Variants in DGKI observed in about 807,000 individuals in gnomAD.
DGKI encodes the protein DAG kinase iota.
Under a neutral mutation model 147.5 loss-of-function variants are expected in DGKI, and 55 were observed. That is an observed-to-expected ratio of 0.37 (90% CI 0.30 to 0.47). The LOEUF (loss-of-function observed/expected upper bound fraction) is 0.47. Among genes scored for constraint, DGKI ranks in the 20% least tolerant of loss-of-function variants. The pLI is 1.00. For missense variants in DGKI, 1,007 were observed against 1,323.8 expected (o/e 0.76, Z 3.71); for synonymous variants, 469 against 477.1 (o/e 0.98, Z 0.22).
intron 1 of DGKI, among the ~76,000 whole-genome samples, chr7:137,752,815 C>T (rs192302232): frequency 8.7e-4 from 132 of 152,212 alleles, no homozygotes; most frequent in Admixed American, 1.9e-3. Flanking sequence ...AGCTCCCGGC[C>T]GAATAAAGCC....
chr7:137,422,812 G>C (rs112975259), intron 28 of DGKI, among the ~76,000 whole-genome samples: 3,216 of 151,914 alleles, frequency 0.021, 59 homozygotes, highest in Non-Finnish European at 0.033. Flanking sequence ...AACCATGTTA[G>C]CCAGGATGGT....
intron 20 of DGKI, among the ~76,000 whole-genome samples, chr7:137,529,264 T>C (rs1271859391): frequency 1.3e-5 from 2 of 152,262 alleles, no homozygotes; most frequent in East Asian, 3.9e-4. Context: ...CTAAAAGGCC[T>C]GATTCACCAC....
At chr7:137,571,359 T>C (rs1818788064) in intron 18 of DGKI, 73 bp from the exon 19 acceptor site, 1 of 1,017,086 alleles carries the variant, frequency 9.8e-7, no homozygotes, top group Non-Finnish European at 1.5e-6. Flanking sequence ...TGTTAGTTTG[T>C]AGTTAGACCC....
intron 1 of DGKI, among the ~76,000 whole-genome samples, chr7:137,755,292 G>A (rs956024861): frequency 1.9e-4 from 29 of 152,140 alleles, no homozygotes; most frequent in African/African-American, 6.0e-4. Context: ...CATGTCCCAT[G>A]AAGAGTTCCC....
rs1222440660 is a variant in DGKI, at chr7:137,649,761, T to TTA, written c.739-4226_739-4225dup. Among the ~76,000 whole-genome samples, 20 of 147,404 alleles carry TTA rather than the reference T, an allele frequency of 1.4e-4. No individual in the cohort carries two copies. The South Asian group carries it at 2.3e-3, about 17-fold the overall frequency. ...CAAAAACCTATAGAAATAAAAAATT[T>TTA]TATATATATATGTATATATATATAT... On this transcript the variant is annotated intron_variant, in intron 5 of 32. Transcript: ENST00000614521.
At chr7:137,569,465 A>T (rs1204083336) in intron 19 of DGKI, among the ~76,000 whole-genome samples, 1 of 152,022 alleles carries the variant, frequency 6.6e-6, no homozygotes, top group Non-Finnish European at 1.5e-5. Context: ...GCGGTGGCTC[A>T]CGCCTGTAAT....
At position 137,728,454 on chromosome 7, in the gene DGKI, A is replaced by G. The variant is rs565799477; in HGVS notation, c.402-38452T>C. Among the ~76,000 whole-genome samples the G allele has an allele frequency of 2.0e-5, 3 of 152,316 alleles. No homozygotes were observed. In the South Asian group the frequency reaches 6.2e-4, roughly 32 times the overall value. On this transcript the variant is annotated intron_variant, in intron 1 of 32. Coordinates refer to ENST00000614521, the MANE Select transcript of DGKI (RefSeq NM_001321708.2). Reference sequence around the variant, plus strand: ...ACTTAAACTTTCAGTCTGTATGAGAAGCAATAGTTTAGCCCCAGCACTACT... The same window carrying G: ...ACTTAAACTTTCAGTCTGTATGAGAGGCAATAGTTTAGCCCCAGCACTACT...
chr7:137,404,770 C>T (rs1811878841), intron 30 of DGKI, among the ~76,000 whole-genome samples: 1 of 152,124 alleles, frequency 6.6e-6, no homozygotes, highest in Non-Finnish European at 1.5e-5. Context: ...CACCCCCACC[C>T]CCCTAAAAAA....
At chr7:137,704,597 A>G (rs1475218770) in intron 1 of DGKI, among the ~76,000 whole-genome samples, 2 of 152,222 alleles carry the variant, frequency 1.3e-5, no homozygotes, top group Non-Finnish European at 1.5e-5. Context: ...GGCAAAAAGA[A>G]TATTTAAAGA....
chr7:137,572,040 G>C (rs1228012564), intron 18 of DGKI, among the ~76,000 whole-genome samples: 1 of 152,172 alleles, frequency 6.6e-6, no homozygotes, highest in East Asian at 1.9e-4. Context: ...AGGAGACTAT[G>C]ATGTGTTTTC....
intron 1 of DGKI, among the ~76,000 whole-genome samples, chr7:137,734,971 T>G (rs1328030083): frequency 1.3e-5 from 2 of 152,122 alleles, no homozygotes; most frequent in Non-Finnish European, 2.9e-5. Flanking sequence ...TTCTATATAA[T>G]TGAAAAATCT....
At chr7:137,407,813 A>T in intron 30 of DGKI, 62 bp downstream of exon 30, 1 of 1,587,990 alleles carries the variant, frequency 6.3e-7, no homozygotes, top group Non-Finnish European at 8.6e-7. Context: ...AACTTAGAAA[A>T]TGCAAAATGC....
intron 28 of DGKI, among the ~76,000 whole-genome samples, chr7:137,425,609 G>A: frequency 6.6e-6 from 1 of 152,128 alleles, no homozygotes; most frequent in Non-Finnish European, 1.5e-5. Context: ...CTGAGCTACA[G>A]GAGGAAATTC....
At chr7:137,821,999 T>TA (rs373183483) in intron 1 of DGKI, among the ~76,000 whole-genome samples, 13 of 152,254 alleles carry the variant, frequency 8.5e-5, no homozygotes, top group African/African-American at 2.9e-4. Context: ...ATTTAGTTTC[T>TA]AAAAAAGCTA....
Position 137,656,453 on chromosome 7 carries a change from G to A in DGKI, c.681+13C>T. The A allele has an allele frequency of 6.2e-7, 1 of 1,613,718 alleles. No individual in the cohort carries two copies. The highest frequency in any genetic ancestry group is 1.7e-5 in the Admixed American group (1 of 60,012). On this transcript the variant is annotated intron_variant, in intron 4 of 32. Coordinates refer to ENST00000614521, the MANE Select transcript of DGKI (RefSeq NM_001321708.2). ...GCAATGTAACAAAACTGCAGCAGGG[G>A]GCGCGCTCTTACCTTTTCTAGCTGC...
chr7:137,532,632 T>C (rs1458173527), intron 20 of DGKI, among the ~76,000 whole-genome samples: 1 of 152,136 alleles, frequency 6.6e-6, no homozygotes, highest in Non-Finnish European at 1.5e-5. Context: ...CTCCTATTAG[T>C]AGCTCAGATG....
intron 23 of DGKI, among the ~76,000 whole-genome samples, chr7:137,475,167 A>T (rs1238039818): frequency 6.6e-6 from 1 of 152,184 alleles, no homozygotes; most frequent in Non-Finnish European, 1.5e-5. Context: ...CCCTAACACA[A>T]CACTATTTAT....
chr7:137,417,873 A>G (rs1490033422), intron 28 of DGKI, among the ~76,000 whole-genome samples: 1 of 152,202 alleles, frequency 6.6e-6, no homozygotes, highest in African/African-American at 2.4e-5. Context: ...AGAGCTTTCC[A>G]TCTTTGAAGC....
In DGKI at chr7:137,382,627, C is replaced by T. The variant is rs1279416804; in HGVS notation, c.*8593G>A. On this transcript the variant is annotated 3_prime_UTR_variant, in exon 33 of 33. Transcript: ENST00000614521. Reference sequence around the variant, plus strand: ...GTTTGATTTTCAATATCTGCTAACACTATCAGTTGTTTGAGATTACCATGA... The same window carrying T: ...GTTTGATTTTCAATATCTGCTAACATTATCAGTTGTTTGAGATTACCATGA... The T allele has an allele frequency of 6.6e-6, 1 of 152,044 alleles. No individual in the cohort carries two copies. Among genetic ancestry groups the T allele is most frequent in the Non-Finnish European group, 1.5e-5 (1 of 67,956 alleles). The allele number at this position is 152,044 out of a possible 1,614,324, so 9.4% of individuals were successfully genotyped here.
Sources: gnomAD v4.1 joint callset for allele counts (sites outside exome capture counted in the v4.1 genomes callset) on GRCh38, gnomAD v4.1.1 for gene constraint, MANE v1.5 for transcripts, NCBI Gene and HGNC (gene_info 2026-07-23, HGNC 2026-07-21) for gene names.